Variants in FAF1 observed in about 807,000 individuals in gnomAD.
FAF1 encodes the protein Fas associated factor 1.
In FAF1, 25 loss-of-function variants were observed where a neutral mutation model predicts 92.5. That is an observed-to-expected ratio of 0.27 (90% CI 0.20 to 0.38). The LOEUF (loss-of-function observed/expected upper bound fraction) is 0.38. FAF1 is among the 10% of genes least tolerant of loss of function. FAF1 has a pLI of 1.00. For synonymous variants in FAF1, 234 were observed against 273.2 expected, an observed-to-expected ratio of 0.86 and a Z score of 1.42; for missense variants, 636 against 793.3, an observed-to-expected ratio of 0.80 and a Z score of 2.38.
intron 2 of FAF1, among the ~76,000 whole-genome samples, chr1:50,813,467 A>C (rs1262646805): frequency 6.6e-6 from 1 of 152,110 alleles, no homozygotes; most frequent in Non-Finnish European, 1.5e-5. Context: ...CCTTTTAAAA[A>C]AATTTTTTTT....
At chr1:50,566,463 A>G (rs932373561) in intron 13 of FAF1, among the ~76,000 whole-genome samples, 1 of 152,114 alleles carries the variant, frequency 6.6e-6, no homozygotes, top group Non-Finnish European at 1.5e-5. Context: ...GGAAACTGAA[A>G]TAGGCAAAAT....
chr1:50,685,592 T>C (rs1024504581), intron 7 of FAF1, among the ~76,000 whole-genome samples: 3 of 152,222 alleles, frequency 2.0e-5, no homozygotes, highest in Admixed American at 1.3e-4. Flanking sequence ...TAGTTGACTA[T>C]CAAGTCCTAT....
At chr1:50,834,973 C>T (rs1557550579) in intron 2 of FAF1, among the ~76,000 whole-genome samples, 1 of 152,086 alleles carries the variant, frequency 6.6e-6, no homozygotes, top group Non-Finnish European at 1.5e-5. Flanking sequence ...ATGAATGCAA[C>T]AGATAACACA....
At chr1:50,892,546 T>G (rs928942395) in intron 1 of FAF1, among the ~76,000 whole-genome samples, 2 of 152,356 alleles carry the variant, frequency 1.3e-5, no homozygotes, top group Admixed American at 1.3e-4. Flanking sequence ...AGGTTTCCAC[T>G]GAAAACTCTG....
intron 7 of FAF1, among the ~76,000 whole-genome samples, chr1:50,662,117 A>G (rs1655402361): frequency 6.6e-6 from 1 of 152,176 alleles, no homozygotes; most frequent in African/African-American, 2.4e-5. Flanking sequence ...TTTAACTATT[A>G]CTTCTTCTCA....
chr1:50,852,826 G>A (rs1644361737), intron 2 of FAF1, among the ~76,000 whole-genome samples: 1 of 152,126 alleles, frequency 6.6e-6, no homozygotes, highest in African/African-American at 2.4e-5. Flanking sequence ...CACTGGATAT[G>A]ATGCCTAACA....
chr1:50,626,191 T>A (rs936033671), intron 8 of FAF1, among the ~76,000 whole-genome samples: 3 of 152,198 alleles, frequency 2.0e-5, no homozygotes, highest in African/African-American at 7.2e-5. Context: ...TCATCTTATT[T>A]AAACTGACAA....
chr1:50,533,146 C>T (rs573629798), intron 15 of FAF1, among the ~76,000 whole-genome samples: 170 of 152,070 alleles, frequency 1.1e-3, no homozygotes, highest in African/African-American at 3.7e-3. Flanking sequence ...CGTTGTTGCC[C>T]TGGCTGGAAT....
At position 50,753,938 on chromosome 1, in the gene FAF1, G is replaced by A. The variant is rs550805763; in HGVS notation, c.368-9163C>T. Among the ~76,000 whole-genome samples the A allele has an allele frequency of 1.8e-4, 27 of 151,378 alleles. 1 individual carries two copies. In the South Asian group the frequency reaches 5.0e-3, roughly 28 times the overall value. On this transcript the variant is annotated intron_variant, in intron 4 of 18. Coordinates refer to ENST00000396153, the MANE Select transcript of FAF1 (RefSeq NM_007051.3). ...ATGCTCAGCTAATTTTTGTATTTTT[G>A]GCAGAGACGGGGTTTCAACACGTTG... is the stretch of plus-strand genomic sequence containing the variant.
At chr1:50,515,286 A>G (rs1647202815) in intron 15 of FAF1, among the ~76,000 whole-genome samples, 1 of 152,176 alleles carries the variant, frequency 6.6e-6, no homozygotes, top group African/African-American at 2.4e-5. Context: ...CTGAGACTTG[A>G]ATTGGCTATG....
At chr1:50,630,828 CTTTTTTT>C (rs1052085908) in intron 8 of FAF1, among the ~76,000 whole-genome samples, 6 of 102,530 alleles carry the variant, frequency 5.9e-5, no homozygotes, top group Admixed American at 2.3e-4. Context: ...TGTATCATAT[CTTTTTTT>C]TTTTTTTTTT....
At chr1:50,850,027 A>G (rs1189045748) in intron 2 of FAF1, among the ~76,000 whole-genome samples, 1 of 151,278 alleles carries the variant, frequency 6.6e-6, no homozygotes, top group Non-Finnish European at 1.5e-5. Flanking sequence ...AGGTGTCCCT[A>G]CTGAAAGAAT....
intron 8 of FAF1, among the ~76,000 whole-genome samples, chr1:50,602,105 CTCCTTGCTCTG>C (rs1206453931): frequency 1.3e-5 from 2 of 152,192 alleles, no homozygotes; most frequent in Admixed American, 6.5e-5. Flanking sequence ...CACCTGCAGA[CTCCTTGCTCTG>C]CATGTGACAC....
Position 50,583,769 on chromosome 1 carries a change from C to T in FAF1, c.968-54G>A. On this transcript the variant is annotated intron_variant, in intron 10 of 18. Transcript: ENST00000396153. This position sits in a 1 kb window ranked among gnomAD's most constrained non-coding sequence, Gnocchi z 4.2. ...AACAAAAAAACAAAACAAATAGACA[C>T]AAAAACAAACCACATAACATCTAAT... The T allele has an allele frequency of 9.0e-7, 1 of 1,112,174 alleles. No homozygotes were observed. Among genetic ancestry groups the T allele is most frequent in the Non-Finnish European group, 1.3e-6 (1 of 753,880 alleles). 68.9% of individuals were successfully genotyped at this position (1,112,174 alleles called of 1,614,324 possible).
chr1:50,724,310 C>CAT lies in FAF1; in HGVS notation c.551+14552_551+14553insAT, dbSNP rs34697192. 1.9e-4 allele frequency among the ~76,000 whole-genome samples: 29 copies of CAT among 148,864 alleles called. 1 individual carries two copies. The highest frequency in any genetic ancestry group is 8.6e-4 in the South Asian group (4 of 4,664). On this transcript the variant is annotated intron_variant, in intron 6 of 18. Transcript: ENST00000396153. The stretch of plus-strand genomic sequence containing the variant: ...ACACACACACATACACACACACACA[C>CAT]ACACACACACACACACACACCCCTG...
At chr1:50,737,494 A>G (rs547123494) in intron 6 of FAF1, among the ~76,000 whole-genome samples, 6 of 152,332 alleles carry the variant, frequency 3.9e-5, no homozygotes, top group East Asian at 1.9e-4. Flanking sequence ...AACCATACCT[A>G]TAACTATTTA....
intron 12 of FAF1, among the ~76,000 whole-genome samples, chr1:50,575,018 C>T (rs1650657018): frequency 6.7e-6 from 1 of 149,470 alleles, no homozygotes; most frequent in African/African-American, 2.5e-5. Flanking sequence ...ACGCCATTCT[C>T]CTGCCTCAGC....
At chr1:50,920,086 G>T (rs1644950926) in intron 1 of FAF1, among the ~76,000 whole-genome samples, 1 of 152,046 alleles carries the variant, frequency 6.6e-6, no homozygotes, top group Admixed American at 6.5e-5. Context: ...GACTACCTGA[G>T]GTCAGGAGTT....
chr1:50,820,595 C>T (rs537493138), intron 2 of FAF1, among the ~76,000 whole-genome samples: 1 of 152,178 alleles, frequency 6.6e-6, no homozygotes, highest in East Asian at 1.9e-4. Flanking sequence ...TACCTTAGAT[C>T]CTCAGAATTT....
Sources: gnomAD v4.1 joint callset for allele counts (sites outside exome capture counted in the v4.1 genomes callset) on GRCh38, gnomAD v4.1.1 for gene constraint, Gnocchi (gnomAD v3.1) non-coding constraint, MANE v1.5 for transcripts, NCBI Gene and HGNC (gene_info 2026-07-23, HGNC 2026-07-21) for gene names.